The following SMCO2 variants were observed in gnomAD, a reference collection of about 807,000 sequenced individuals.
SMCO2 encodes single-pass membrane and coiled-coil domain-containing protein 2.
Under a neutral mutation model 29.5 loss-of-function variants are expected in SMCO2, and 25 were observed. The ratio of observed to expected loss-of-function variants is 0.85; its 90% CI spans 0.62 to 1.18. SMCO2 has a LOEUF of 1.18. SMCO2 is among the 50% of genes most tolerant of loss of function. The probability of loss-of-function intolerance (pLI) is 0.00; values close to 1 mark genes in which losing one functional copy is unlikely to be tolerated. For missense variants in SMCO2, 348 were observed against 344.5 expected (o/e 1.01, Z -0.08); for synonymous variants, 117 against 123.3 (o/e 0.95, Z 0.34).
At chr12:27,463,931 TAC>T (rs1217292215), upstream of SMCO2, among the ~76,000 whole-genome samples, 7 of 152,322 alleles carry the variant, frequency 4.6e-5, no homozygotes, top group Non-Finnish European at 7.4e-5. Flanking sequence ...CAGGTTTTAA[TAC>T]AGAAGCAAAG....
At chr12:27,470,633 T>G (rs1349203192) in exon 2 of SMCO2, 3 of 1,550,848 alleles carry the variant, frequency 1.9e-6, no homozygotes, top group Non-Finnish European at 2.6e-6. Context: ...GCCGAAGAAA[T>G]GGCTCTCACG....
chr12:27,477,657 T>C (rs919967951), intron 4 of SMCO2, among the ~76,000 whole-genome samples: 1 of 143,722 alleles, frequency 7.0e-6, no homozygotes, highest in African/African-American at 2.8e-5. Context: ...TTTTGGCTGA[T>C]TGGGTTATTT....
the SMCO2 span, among the ~76,000 whole-genome samples, chr12:27,425,715 C>G: frequency 3.3e-4 from 51 of 152,248 alleles, no homozygotes; most frequent in African/African-American, 1.2e-3. Context: ...TGCACATATG[C>G]ATTGACTGGG....
At chr12:27,452,231 A>G in the SMCO2 span, among the ~76,000 whole-genome samples, 1 of 152,196 alleles carries the variant, frequency 6.6e-6, no homozygotes, top group Non-Finnish European at 1.5e-5. Flanking sequence ...GTACAAGTGC[A>G]ACTTTGTTAC....
the SMCO2 span, chr12:27,423,570 C>G: frequency 6.6e-6 from 1 of 152,212 alleles, no homozygotes; most frequent in Non-Finnish European, 1.5e-5. Context: ...ACCTCGTGAT[C>G]CGCCCACTTC....
At chr12:27,496,621 G>A (rs73088346) in intron 7 of SMCO2, among the ~76,000 whole-genome samples, 7,926 of 150,556 alleles carry the variant, frequency 0.053, 590 homozygotes, top group East Asian at 0.14. Flanking sequence ...TTTACACCCT[G>A]AGAAGTAATT....
At chr12:27,474,544 A>C (rs922204193) in intron 3 of SMCO2, among the ~76,000 whole-genome samples, 2 of 152,166 alleles carry the variant, frequency 1.3e-5, no homozygotes, top group Non-Finnish European at 2.9e-5. Flanking sequence ...TCGATTACTC[A>C]TCAGGACTGA....
At chr12:27,495,547 T>C in intron 6 of SMCO2, 133 bp from the exon 8 acceptor site, 1 of 742,410 alleles carries the variant, frequency 1.3e-6, no homozygotes. Context: ...AATGATCTGT[T>C]CATGGGACCT....
the SMCO2 span, among the ~76,000 whole-genome samples, chr12:27,456,365 G>GT: frequency 1.3e-5 from 2 of 152,216 alleles, no homozygotes; most frequent in Non-Finnish European, 2.9e-5. Context: ...TATAAGGCAA[G>GT]TAAAGCGTTT....
At chr12:27,429,164 A>C in the SMCO2 span, among the ~76,000 whole-genome samples, 2 of 152,296 alleles carry the variant, frequency 1.3e-5, no homozygotes, top group Non-Finnish European at 2.9e-5. Flanking sequence ...TCTTTGTAGT[A>C]ACGTATTAGT....
chr12:27,495,610 G>A lies in SMCO2; in HGVS notation c.508-70G>A, dbSNP rs369557212. ...AGGTGATCCAGAGGAAAAGCACTCAGCATTATCTATAGTAAGACTTGGAGA... is the reference window on the plus strand; with the variant it reads ...AGGTGATCCAGAGGAAAAGCACTCAACATTATCTATAGTAAGACTTGGAGA... On this transcript the variant is annotated intron_variant, in intron 6 of 7. Coordinates refer to ENST00000298876, the Ensembl canonical transcript of SMCO2. 8.9e-6 allele frequency: 12 copies of A among 1,354,270 alleles called. No homozygotes were observed. In the East Asian group the frequency reaches 1.0e-4, roughly 11 times the overall value. The allele number at this position is 1,354,270 out of a possible 1,614,324, so 83.9% of individuals were successfully genotyped here.
At chr12:27,475,720 C>A in intron 4 of SMCO2, 1 of 1,545,260 alleles carries the variant, frequency 6.5e-7, no homozygotes, top group Non-Finnish European at 8.7e-7. Flanking sequence ...TAACAGAAAA[C>A]ACAGTGAAGA....
chr12:27,436,595 A>G, the SMCO2 span, among the ~76,000 whole-genome samples: 1 of 152,168 alleles, frequency 6.6e-6, no homozygotes, highest in Non-Finnish European at 1.5e-5. Context: ...TCAGGGAAAT[A>G]ATGAGCTTCC....
chr12:27,501,612 C>T (rs1432243108), intron 7 of SMCO2, among the ~76,000 whole-genome samples: 1 of 150,048 alleles, frequency 6.7e-6, no homozygotes, highest in Non-Finnish European at 1.5e-5. Flanking sequence ...ACATCATATA[C>T]ATCATGAGTG....
intron 4 of SMCO2, 67 bp from the exon 6 acceptor site, chr12:27,488,393 A>G: frequency 8.8e-7 from 1 of 1,134,128 alleles, no homozygotes; most frequent in Non-Finnish European, 1.2e-6. Flanking sequence ...TTGAAAGATC[A>G]AAATTACCTC....
At chr12:27,495,478 C>T (rs10842922) in intron 6 of SMCO2, among the ~76,000 whole-genome samples, 13,826 of 150,128 alleles carry the variant, frequency 0.092, 1,291 homozygotes, top group East Asian at 0.27. Context: ...AGTTTTCTAC[C>T]GTAGTGCTAC....
the SMCO2 span, chr12:27,423,340 T>C: frequency 7.1e-6 from 1 of 140,992 alleles, no homozygotes; most frequent in African/African-American, 2.7e-5. Flanking sequence ...TTTTTTTTTT[T>C]TTTTTTTGAG....
At chr12:27,437,800 G>C in the SMCO2 span, among the ~76,000 whole-genome samples, 26 of 152,280 alleles carry the variant, frequency 1.7e-4, no homozygotes, top group African/African-American at 6.3e-4. Flanking sequence ...TTTGTCCAAA[G>C]ACCCCTTCAC....
exon 1 of SMCO2, chr12:27,466,834 A>G (rs1949502246): frequency 6.6e-6 from 1 of 152,256 alleles, no homozygotes; most frequent in Non-Finnish European, 1.5e-5. Flanking sequence ...TTACCACTCA[A>G]ATGGTTCCTC....
Sources: allele counts gnomAD v4.1 joint callset (sites outside exome capture counted in the v4.1 genomes callset), GRCh38; gene constraint gnomAD v4.1.1; transcripts MANE v1.5; gene names NCBI Gene and HGNC (gene_info 2026-07-23, HGNC 2026-07-21).